CNTNAP2: variants seen among roughly 807,000 people sequenced by gnomAD.
CNTNAP2 encodes contactin associated protein 2.
CNTNAP2 carries 98 observed loss-of-function variants against 155.2 expected under a neutral mutation model. The ratio of observed to expected loss-of-function variants is 0.63; its 90% CI spans 0.54 to 0.75. The LOEUF (loss-of-function observed/expected upper bound fraction) is 0.75. Among genes scored for constraint, CNTNAP2 ranks in the 30% least tolerant of loss-of-function variants. CNTNAP2 has a pLI of 0.00. For synonymous variants in CNTNAP2, 651 were observed against 631.2 expected, an observed-to-expected ratio of 1.03 and a Z score of -0.47; for missense variants, 1,727 against 1,688.1, an observed-to-expected ratio of 1.02 and a Z score of -0.40.
At chr7:147,386,041 G>A (rs1353575533) in intron 9 of CNTNAP2, among the ~76,000 whole-genome samples, 2 of 152,134 alleles carry the variant, frequency 1.3e-5, no homozygotes. Context: ...CCAAGACTTG[G>A]GGCTTCTGTT....
chr7:147,385,635 G>A (rs745486677), intron 9 of CNTNAP2, among the ~76,000 whole-genome samples: 12 of 152,236 alleles, frequency 7.9e-5, no homozygotes, highest in Non-Finnish European at 1.6e-4. Flanking sequence ...CAAGAGGTGG[G>A]CCCCCATGGC....
intron 1 of CNTNAP2, among the ~76,000 whole-genome samples, chr7:146,419,990 T>C (rs1795989148): frequency 6.6e-6 from 1 of 152,140 alleles, no homozygotes; most frequent in Non-Finnish European, 1.5e-5. Context: ...TGCAAAAGTC[T>C]TTCCATATAA....
chr7:146,992,272 T>C (rs1333266604), intron 3 of CNTNAP2, among the ~76,000 whole-genome samples: 1 of 152,172 alleles, frequency 6.6e-6, no homozygotes, highest in Admixed American at 6.5e-5. Flanking sequence ...TGAGCGTTAG[T>C]AAAGATAGGA....
chr7:146,816,043 A>G (rs1287305156), intron 2 of CNTNAP2, among the ~76,000 whole-genome samples: 1 of 152,208 alleles, frequency 6.6e-6, no homozygotes, highest in Non-Finnish European at 1.5e-5. Flanking sequence ...TAGTTTGCTC[A>G]GAATGATAGT....
rs1213511060 is a variant in CNTNAP2, at chr7:148,375,776, C to CATCGCCCTCCCCAAAAAGGAACATT, written c.3476-7873_3476-7872insATCGCCCTCCCCAAAAAGGAACATT. Among the ~76,000 whole-genome samples, 49 of 84,698 alleles carry CATCGCCCTCCCCAAAAAGGAACATT rather than the reference C, an allele frequency of 5.8e-4. 1 individual carries two copies. Among genetic ancestry groups the CATCGCCCTCCCCAAAAAGGAACATT allele is most frequent in the East Asian group, 1.1e-3 (3 of 2,722 alleles). The allele number at this position is 84,698 out of a possible 152,430, so 55.6% of individuals were successfully genotyped here. On this transcript the variant is annotated intron_variant, in intron 21 of 23. Transcript: ENST00000361727. ...TTGGGAGGCCGAGGCAGGTGGATCA[C>CATCGCCCTCCCCAAAAAGGAACATT]GAGGTCAGGAGTTCAAGACCAACCT...
chr7:147,363,667 C>T (rs1457096640), intron 9 of CNTNAP2, among the ~76,000 whole-genome samples: 2 of 152,166 alleles, frequency 1.3e-5, no homozygotes, highest in Admixed American at 6.5e-5. Flanking sequence ...GGAGTCATTT[C>T]CAATTCAATT....
intron 1 of CNTNAP2, among the ~76,000 whole-genome samples, chr7:146,345,760 A>G (rs1231616419): frequency 1.3e-5 from 2 of 152,226 alleles, no homozygotes; most frequent in African/African-American, 4.8e-5. Context: ...CCAAAAGAAA[A>G]TGGTATTTTG....
intron 3 of CNTNAP2, among the ~76,000 whole-genome samples, chr7:146,896,774 A>T (rs1180553476): frequency 6.6e-6 from 1 of 152,090 alleles, no homozygotes; most frequent in South Asian, 2.1e-4. Context: ...TTCTGTTACA[A>T]TATAATTTTA....
chr7:148,112,135 T>C (rs1804365934), intron 15 of CNTNAP2, among the ~76,000 whole-genome samples: 1 of 152,150 alleles, frequency 6.6e-6, no homozygotes, highest in African/African-American at 2.4e-5. Flanking sequence ...TGTGCAATGT[T>C]GGAAAATGTT....
chr7:147,978,074 A>G (rs1801462160), intron 15 of CNTNAP2, 85 bp downstream of exon 15: 10 of 1,551,482 alleles, frequency 6.4e-6, no homozygotes, highest in Non-Finnish European at 7.9e-6. Flanking sequence ...GCCTGCAATC[A>G]GACTTGCTCT....
chr7:147,792,615 C>A (rs1409250725), intron 13 of CNTNAP2, among the ~76,000 whole-genome samples: 4 of 152,002 alleles, frequency 2.6e-5, no homozygotes, highest in Non-Finnish European at 5.9e-5. Flanking sequence ...AACTGAAGGA[C>A]AATTGAGTTT....
chr7:146,542,938 G>T (rs2129141320), intron 1 of CNTNAP2, among the ~76,000 whole-genome samples: 1 of 151,862 alleles, frequency 6.6e-6, no homozygotes, highest in South Asian at 2.1e-4. Flanking sequence ...GGGAGATGTT[G>T]GTCAAAGGAT....
At chr7:147,051,200 A>G (rs575723483) in intron 4 of CNTNAP2, among the ~76,000 whole-genome samples, 42 of 147,764 alleles carry the variant, frequency 2.8e-4, no homozygotes, top group African/African-American at 9.8e-4. Flanking sequence ...ATATATATAT[A>G]TATAAATCAT....
intron 13 of CNTNAP2, among the ~76,000 whole-genome samples, chr7:147,807,915 T>G: frequency 6.6e-6 from 1 of 152,162 alleles, no homozygotes; most frequent in East Asian, 1.9e-4. Context: ...CCTTAACATT[T>G]GCCAGTCATA....
chr7:148,074,673 G>A (rs1052598197), intron 15 of CNTNAP2, among the ~76,000 whole-genome samples: 4 of 149,388 alleles, frequency 2.7e-5, no homozygotes, highest in Admixed American at 1.3e-4. Flanking sequence ...GGGCAAAAGA[G>A]CAAGACTGTC....
rs192471509 is a variant in CNTNAP2, at chr7:146,120,229, A to T, written c.97+3256A>T. On this transcript the variant is annotated intron_variant, in intron 1 of 23. Transcript: ENST00000361727. ...AAGCAAATACTGCTGGTTTATAGAG[A>T]CCTTGAACATAATAATGAACTTGTC... Among the ~76,000 whole-genome samples the T allele has an allele frequency of 7.2e-5, 11 of 152,192 alleles. No homozygotes were observed. The East Asian group carries it at 2.1e-3, about 29-fold the overall frequency.
At chr7:147,551,713 T>C (rs1294048236) in intron 11 of CNTNAP2, among the ~76,000 whole-genome samples, 1 of 152,196 alleles carries the variant, frequency 6.6e-6, no homozygotes, top group African/African-American at 2.4e-5. Flanking sequence ...CTCTCAAGGA[T>C]GCTAATATCT....
intron 15 of CNTNAP2, among the ~76,000 whole-genome samples, chr7:148,067,288 G>A (rs895361288): frequency 4.6e-5 from 7 of 152,204 alleles, no homozygotes; most frequent in Non-Finnish European, 7.3e-5. Flanking sequence ...GTGCCATGGG[G>A]TGATGCCTTG....
chr7:147,532,853 A>G (rs1375861132), intron 11 of CNTNAP2, among the ~76,000 whole-genome samples: 1 of 152,178 alleles, frequency 6.6e-6, no homozygotes, highest in African/African-American at 2.4e-5. Context: ...ACCAGCCCCC[A>G]TGATTCAATT....
Sources: gnomAD v4.1 joint callset for allele counts (sites outside exome capture counted in the v4.1 genomes callset) on GRCh38, gnomAD v4.1.1 for gene constraint, MANE v1.5 for transcripts, NCBI Gene and HGNC (gene_info 2026-07-23, HGNC 2026-07-21) for gene names.